TP53BP1: variants seen among roughly 807,000 people sequenced by gnomAD.
TP53BP1 encodes TP53-binding protein 1.
TP53BP1 carries 61 observed loss-of-function variants against 200.8 expected under a neutral mutation model. The ratio of observed to expected loss-of-function variants is 0.30; its 90% CI spans 0.25 to 0.38. The LOEUF (loss-of-function observed/expected upper bound fraction) is 0.38. Ranked by LOEUF, TP53BP1 falls within the 10% of genes least tolerant of loss-of-function variation. The pLI is 1.00. For synonymous variants in TP53BP1, 822 were observed against 844.3 expected (o/e 0.97, Z 0.46); for missense variants, 2,144 against 2,371.9 (o/e 0.90, Z 2.00).
At chr15:43,457,460 G>T (rs1438703982) in intron 11 of TP53BP1, among the ~76,000 whole-genome samples, 2 of 151,756 alleles carry the variant, frequency 1.3e-5, no homozygotes, top group African/African-American at 2.4e-5. Flanking sequence ...TTTACTTCAC[G>T]ATTTCAAAAT....
chr15:43,451,428 T>C lies in TP53BP1; in HGVS notation c.2717-3943A>G, dbSNP rs540165474. Among the ~76,000 whole-genome samples the C allele has an allele frequency of 8.7e-5, 13 of 150,122 alleles. No homozygotes were observed. The South Asian group carries it at 2.4e-3, about 27-fold the overall frequency. ...CTATTCCCATCTATGAGTGAGAACA[T>C]GCGGTGTTTGGTTTTTTGTCCTTGC... On this transcript the variant is annotated intron_variant, in intron 12 of 27. Transcript: ENST00000382044.
At chr15:43,482,876 G>A (rs1192312116) in intron 4 of TP53BP1, among the ~76,000 whole-genome samples, 4 of 152,200 alleles carry the variant, frequency 2.6e-5, no homozygotes, top group Non-Finnish European at 5.9e-5. Flanking sequence ...GTTGCAGTAA[G>A]CCGAGACTGC....
At chr15:43,475,509 G>A (rs1297957848) in intron 9 of TP53BP1, 56 bp downstream of exon 9, 23 of 1,600,412 alleles carry the variant, frequency 1.4e-5, no homozygotes, top group Non-Finnish European at 2.0e-5. Context: ...TTCAGCCTTA[G>A]CCTAAGACTC....
intron 9 of TP53BP1, 63 bp downstream of exon 9, chr15:43,475,502 A>G (rs2078867057): frequency 6.3e-7 from 1 of 1,575,204 alleles, no homozygotes; most frequent in Non-Finnish European, 8.6e-7. Flanking sequence ...AGCCTCTTTC[A>G]GCCTTAGCCT....
intron 16 of TP53BP1, among the ~76,000 whole-genome samples, chr15:43,434,400 C>A (rs2142999325): frequency 6.6e-6 from 1 of 152,280 alleles, no homozygotes; most frequent in East Asian, 1.9e-4. Flanking sequence ...GATTCAAAAG[C>A]CAGAAGAGCC....
At position 43,479,601 on chromosome 15, in the gene TP53BP1, T is replaced by C. The variant is rs1274042999; in HGVS notation, c.659-75A>G. The stretch of plus-strand genomic sequence containing the variant: ...ACTAGATACAGTCCCAGATGTTTTT[T>C]AAAAAGCAAAGATTTTAACAGAAGT... On this transcript the variant is annotated intron_variant, in intron 6 of 27. Coordinates refer to ENST00000382044, the MANE Select transcript of TP53BP1 (RefSeq NM_001141980.3). 3 of 1,481,418 alleles carry C rather than the reference T, an allele frequency of 2.0e-6. No individual in the cohort carries two copies. In the African/African-American group the frequency reaches 4.2e-5, roughly 21 times the overall value. The allele number at this position is 1,481,418 out of a possible 1,614,324, so 91.8% of individuals were successfully genotyped here.
rs148009445 is a variant in TP53BP1, at chr15:43,477,625, T to C, written c.923A>G (p.Gln308Arg). 1.2e-4 allele frequency: 191 copies of C among 1,613,554 alleles called. No homozygotes were observed. The highest frequency in any genetic ancestry group is 5.0e-4 in the Middle Eastern group (3 of 6,060). The change falls in exon 8 of 28, where the codon CAG (glutamine) becomes CGG (arginine). Residue 308 changes from glutamine to arginine, a missense_variant. Around this residue, in one of 4 missense-constraint regions of TP53BP1, gnomAD observed 1,700 missense variants for 1,710.3 expected, o/e 0.99. Transcript: ENST00000382044. ...KSPEPEVLST[Q>R]EDLFDQSNKT... ...ATTGCTCTGGTCAAACAAGTCTTCC[T>C]GAGTTGACAAAACCTCAGGCTCTGG...
chr15:43,431,947 C>T (rs1487447526), intron 17 of TP53BP1, among the ~76,000 whole-genome samples: 3 of 152,172 alleles, frequency 2.0e-5, no homozygotes, highest in African/African-American at 7.2e-5. Context: ...CTTTCTTCTC[C>T]AGTAAAGACC....
intron 12 of TP53BP1, among the ~76,000 whole-genome samples, chr15:43,451,181 CTTTTTTTT>C (rs964674673): frequency 6.8e-6 from 1 of 146,274 alleles, no homozygotes; most frequent in Admixed American, 6.9e-5. Flanking sequence ...TACTTTTTTT[CTTTTTTTT>C]TTTAATTATT....
intron 14 of TP53BP1, among the ~76,000 whole-genome samples, chr15:43,445,363 C>A (rs1213851720): frequency 6.6e-6 from 1 of 152,140 alleles, no homozygotes; most frequent in Non-Finnish European, 1.5e-5. Context: ...AACTCCCCTC[C>A]CCATAGGCTT....
intron 12 of TP53BP1, among the ~76,000 whole-genome samples, chr15:43,448,144 A>C (rs996575738): frequency 6.6e-6 from 1 of 152,186 alleles, no homozygotes; most frequent in African/African-American, 2.4e-5. Context: ...CTCATATATA[A>C]GCATCACCAG....
At chr15:43,434,417 C>T (rs1006649732) in intron 16 of TP53BP1, among the ~76,000 whole-genome samples, 2 of 152,144 alleles carry the variant, frequency 1.3e-5, no homozygotes, top group Admixed American at 6.5e-5. Flanking sequence ...AGCCAGGACT[C>T]GATTTTAGGA....
chr15:43,422,065 G>T lies in TP53BP1; in HGVS notation c.3890C>A (p.Thr1297Asn). 4 of 1,614,154 alleles carry T rather than the reference G, an allele frequency of 2.5e-6. No individual in the cohort carries two copies. The highest frequency in any genetic ancestry group is 3.4e-6 in the Non-Finnish European group (4 of 1,180,016). ...ECETEVSPSQTGGSSGDLGDI... is the reference protein window; with the variant it reads ...ECETEVSPSQNGGSSGDLGDI... ...CCCCAGGTCACCTGAGGAGCCCCCA[G>T]TCTGTGAAGGGGAAACTTCAGTTTC... The change falls in exon 19 of 28, where the codon ACT becomes AAT. Residue 1297 changes from threonine to asparagine, a missense_variant. Around this residue, in one of 4 missense-constraint regions of TP53BP1, gnomAD observed 1,700 missense variants for 1,710.3 expected, o/e 0.99. Coordinates refer to ENST00000382044, the MANE Select transcript of TP53BP1 (RefSeq NM_001141980.3).
intron 24 of TP53BP1, chr15:43,412,544 C>T (rs2045146616): frequency 2.6e-6 from 1 of 381,514 alleles, no homozygotes; most frequent in Admixed American, 3.6e-5. Context: ...ATGCAATGTA[C>T]AGATTTAATT....
intron 4 of TP53BP1, among the ~76,000 whole-genome samples, chr15:43,482,801 G>T (rs890834300): frequency 2.0e-5 from 3 of 152,024 alleles, no homozygotes; most frequent in Admixed American, 2.0e-4. Context: ...GTGGTGTCAT[G>T]TGCCTGTAGT....
upstream of TP53BP1, among the ~76,000 whole-genome samples, chr15:43,495,816 CAA>C (rs1180419642): frequency 6.0e-3 from 335 of 55,852 alleles, 2 homozygotes; most frequent in African/African-American, 0.02. Flanking sequence ...GACCCCGTCT[CAA>C]AAAAAAAAAA....
At chr15:43,472,095 T>C (rs1595599944) in intron 10 of TP53BP1, among the ~76,000 whole-genome samples, 1 of 152,360 alleles carries the variant, frequency 6.6e-6, no homozygotes, top group East Asian at 1.9e-4. Flanking sequence ...AGGAGGCATA[T>C]ACATGACAGA....
rs2140116230 is a variant in TP53BP1 at position 43,477,706 on chromosome 15, T to C, written c.842A>G (p.Lys281Arg). The C allele has an allele frequency of 6.2e-7, 1 of 1,613,126 alleles. No individual in the cohort carries two copies. The highest frequency in any genetic ancestry group is 2.2e-5 in the East Asian group (1 of 44,818). The change falls in exon 8 of 28, where the codon AAA (lysine) becomes AGA (arginine). Residue 281 changes from lysine to arginine, a missense_variant. By Grantham distance (26) the Lys-to-Arg change is conservative. Around this residue, in one of 4 missense-constraint regions of TP53BP1, gnomAD observed 1,700 missense variants for 1,710.3 expected, o/e 0.99. Coordinates refer to ENST00000382044, the MANE Select transcript of TP53BP1 (RefSeq NM_001141980.3). Reference sequence around the variant, plus strand: ...AAGTTCTTGTGCAGACAACTGTTCTTTTGCTTCCATAGCAGCAACAGATGC... The same window carrying C: ...AAGTTCTTGTGCAGACAACTGTTCTCTTGCTTCCATAGCAGCAACAGATGC... ...PKASVAAMEA[K>R]EQLSAQELME...
rs146192716 is a variant in TP53BP1 at position 43,460,166 on chromosome 15, A to G, written c.1390-2948T>C. Among the ~76,000 whole-genome samples the G allele has an allele frequency of 3.9e-5, 6 of 152,366 alleles. No individual in the cohort carries two copies. The East Asian group carries it at 5.8e-4, about 15-fold the overall frequency. Reference sequence around the variant, plus strand: ...ATTAATACAAAACTTAGCTGTTTTTATAAGAGATTTTACATTTAGTGTGTT... The same window carrying G: ...ATTAATACAAAACTTAGCTGTTTTTGTAAGAGATTTTACATTTAGTGTGTT... On this transcript the variant is annotated intron_variant, in intron 11 of 27. Transcript: ENST00000382044.
Sources: allele counts gnomAD v4.1 joint callset (sites outside exome capture counted in the v4.1 genomes callset), GRCh38; gene constraint gnomAD v4.1.1; regional missense constraint gnomAD v4.1.1; transcripts MANE v1.5; gene names NCBI Gene and HGNC (gene_info 2026-07-23, HGNC 2026-07-21).